SYN3: variants seen among roughly 807,000 people sequenced by gnomAD.
The protein encoded by SYN3 is synapsin-3.
In SYN3, 35 loss-of-function variants were observed where a neutral mutation model predicts 65.8. The ratio of observed to expected loss-of-function variants is 0.53; its 90% CI spans 0.41 to 0.70. SYN3 has a LOEUF of 0.70. SYN3 is among the 30% of genes least tolerant of loss of function. The pLI, the probability that SYN3 is intolerant of heterozygous loss-of-function variation, is 0.00. For synonymous variants in SYN3, 270 were observed against 292.9 expected (o/e 0.92, Z 0.80); for missense variants, 680 against 749.0 (o/e 0.91, Z 1.08).
intron 6 of SYN3, among the ~76,000 whole-genome samples, chr22:32,790,153 G>T (rs568772761): frequency 1.3e-5 from 2 of 152,136 alleles, no homozygotes; most frequent in African/African-American, 4.8e-5. Flanking sequence ...AGTACAAAGA[G>T]CCCTCATTTG....
intron 6 of SYN3, among the ~76,000 whole-genome samples, chr22:32,729,776 T>C (rs1290653918): frequency 6.6e-6 from 1 of 152,194 alleles, no homozygotes; most frequent in African/African-American, 2.4e-5. Flanking sequence ...AGGGCTTGTG[T>C]TGAAGGTCAT....
At chr22:33,022,119 G>A (rs1045654418) in intron 1 of SYN3, among the ~76,000 whole-genome samples, 1 of 152,184 alleles carries the variant, frequency 6.6e-6, no homozygotes, top group Admixed American at 6.5e-5. Context: ...TGTCCCCCAT[G>A]TAAACACAAC....
chr22:32,716,967 T>A (rs1199598648), intron 6 of SYN3, among the ~76,000 whole-genome samples: 2 of 152,162 alleles, frequency 1.3e-5, no homozygotes, highest in African/African-American at 4.8e-5. Flanking sequence ...AACTGTTTCA[T>A]CTCCACAAAC....
intron 11 of SYN3, among the ~76,000 whole-genome samples, 177 bp downstream of exon 11, chr22:32,528,697 A>G (rs960182240): frequency 1.3e-5 from 2 of 152,220 alleles, no homozygotes; most frequent in African/African-American, 4.8e-5. Flanking sequence ...CAATTCACTT[A>G]CTGGGGCAGG....
chr22:32,638,010 A>G (rs2059843080), intron 6 of SYN3, among the ~76,000 whole-genome samples: 1 of 152,082 alleles, frequency 6.6e-6, no homozygotes, highest in South Asian at 2.1e-4. Flanking sequence ...TATTGTTGTC[A>G]TCTTTATGTC....
At chr22:32,743,864 C>A (rs935347099) in intron 6 of SYN3, among the ~76,000 whole-genome samples, 1 of 152,140 alleles carries the variant, frequency 6.6e-6, no homozygotes, top group Non-Finnish European at 1.5e-5. Flanking sequence ...TTGGTGGCAA[C>A]TGTTTCCCTC....
rs111589531 is a variant in SYN3, at chr22:32,756,468, C to T, written c.711+108447G>A. ...GAAAATGGACAGTCTGATGCTTGCA[C>T]CTATGCATAGAATTGCCATGCATTT... On this transcript the variant is annotated intron_variant, in intron 6 of 13. Transcript: ENST00000358763. 1.8e-3 allele frequency among the ~76,000 whole-genome samples: 268 copies of T among 152,256 alleles called. 1 individual carries two copies. Among genetic ancestry groups the T allele is most frequent in the African/African-American group, 6.4e-3 (264 of 41,550 alleles).
intron 3 of SYN3, among the ~76,000 whole-genome samples, chr22:32,957,924 G>C (rs993175501): frequency 2.6e-5 from 4 of 152,096 alleles, no homozygotes; most frequent in Non-Finnish European, 4.4e-5. Context: ...ATAGAGCTTC[G>C]CGCTAACCCA....
chr22:32,610,959 G>A (rs2059434280), intron 6 of SYN3, among the ~76,000 whole-genome samples: 1 of 152,214 alleles, frequency 6.6e-6, no homozygotes, highest in Non-Finnish European at 1.5e-5. Flanking sequence ...GTATTCTGTT[G>A]TATGGATGGT....
At position 32,859,609 on chromosome 22, in the gene SYN3, T is replaced by C. The variant is rs757367146; in HGVS notation, c.711+5306A>G. The C allele has an allele frequency of 9.1e-5, 51 of 561,266 alleles. No individual in the cohort carries two copies. Among genetic ancestry groups the C allele is most frequent in the Non-Finnish European group, 1.4e-4 (45 of 321,982 alleles). 34.8% of individuals were successfully genotyped at this position (561,266 alleles called of 1,614,324 possible). Reference sequence around the variant, plus strand: ...GACATCATTCATTTCCACCTGGGAATTTCTGGTGCCATGCCAGAAAGAATG... The same window carrying C: ...GACATCATTCATTTCCACCTGGGAACTTCTGGTGCCATGCCAGAAAGAATG... On this transcript the variant is annotated intron_variant, in intron 6 of 13. Transcript: ENST00000358763.
intron 4 of SYN3, among the ~76,000 whole-genome samples, chr22:32,922,215 C>A (rs1461994036): frequency 1.3e-5 from 2 of 152,218 alleles, no homozygotes; most frequent in African/African-American, 4.8e-5. Flanking sequence ...CTTCTTTAAG[C>A]AGCTCTGCCC....
In SYN3 at chr22:32,518,052, G is replaced by A. The variant is rs759257323; in HGVS notation, c.1601C>T (p.Pro534Leu). Residue 534 changes from proline (P) to leucine (L), a missense_variant, in exon 13 of 14, where the codon CCG becomes CTG. Coordinates refer to ENST00000358763, the MANE Select transcript of SYN3 (RefSeq NM_003490.4). ...TTCCCAAAGCACTTACTTGAGATGC[G>A]GATGGGGTGGTGCTGGCTTCTTGGA... Reference protein sequence around the residue: ...EESKKPAPPHPHLNKSQSLTN... With the variant: ...EESKKPAPPHLHLNKSQSLTN... 83 of 1,519,012 alleles carry A rather than the reference G, an allele frequency of 5.5e-5. No individual in the cohort carries two copies. In the East Asian group the frequency reaches 7.5e-4, roughly 14 times the overall value. 94.1% of individuals were successfully genotyped at this position (1,519,012 alleles called of 1,614,324 possible). A position where few individuals can be genotyped will look rare whatever the true frequency, so the allele number is the denominator to read the frequency against.
chr22:32,988,751 G>A (rs1297442259), intron 2 of SYN3, among the ~76,000 whole-genome samples: 1 of 152,160 alleles, frequency 6.6e-6, no homozygotes, highest in Non-Finnish European at 1.5e-5. Flanking sequence ...TGCCAGGGCT[G>A]CAAAGATGAG....
chr22:32,999,369 G>A (rs1464920100), intron 2 of SYN3, among the ~76,000 whole-genome samples: 2 of 152,156 alleles, frequency 1.3e-5, no homozygotes, highest in Non-Finnish European at 1.5e-5. Context: ...AGAACTACAA[G>A]TGGCTTACTC....
At chr22:32,805,693 G>A (rs2046714799) in intron 6 of SYN3, among the ~76,000 whole-genome samples, 1 of 145,148 alleles carries the variant, frequency 6.9e-6, no homozygotes, top group African/African-American at 2.6e-5. Context: ...AAACACTGAG[G>A]CTGAAGAGAC....
chr22:32,524,662 G>A lies in SYN3; in HGVS notation c.1318+3256C>T, dbSNP rs1485566528. Reference sequence around the variant, plus strand: ...TTTCATGCCTTTTAATACATATCACGTCTTTTAGTTCATGGATCAAGGAGT... The same window carrying A: ...TTTCATGCCTTTTAATACATATCACATCTTTTAGTTCATGGATCAAGGAGT... On this transcript the variant is annotated intron_variant, in intron 12 of 13. Transcript: ENST00000358763. Among the ~76,000 whole-genome samples the A allele has an allele frequency of 3.3e-5, 5 of 152,152 alleles. 1 individual carries two copies. The highest frequency in any genetic ancestry group is 5.9e-5 in the Non-Finnish European group (4 of 68,034).
At chr22:32,534,184 G>T (rs2058123931) in intron 9 of SYN3, among the ~76,000 whole-genome samples, 2 of 152,082 alleles carry the variant, frequency 1.3e-5, no homozygotes, top group Non-Finnish European at 1.5e-5. Context: ...GGGGAGAGAG[G>T]CAGGGAGAGA....
chr22:32,925,866 C>CTTTTTTTTT (rs34649323), intron 4 of SYN3, among the ~76,000 whole-genome samples: 5 of 132,696 alleles, frequency 3.8e-5, no homozygotes, highest in Admixed American at 8.1e-5. Flanking sequence ...GATAGTTGTT[C>CTTTTTTTTT]TTTTTTTTTT....
intron 6 of SYN3, among the ~76,000 whole-genome samples, chr22:32,823,375 G>A (rs567256165): frequency 6.6e-6 from 1 of 152,142 alleles, no homozygotes; most frequent in Non-Finnish European, 1.5e-5. Context: ...AGCTGTGAGT[G>A]GGGTGGATGT....
Sources: allele counts gnomAD v4.1 joint callset (sites outside exome capture counted in the v4.1 genomes callset), GRCh38; gene constraint gnomAD v4.1.1; transcripts MANE v1.5; gene names NCBI Gene and HGNC (gene_info 2026-07-23, HGNC 2026-07-21).